The following KCNQ5 variants were observed in gnomAD, a reference collection of about 807,000 sequenced individuals.
The protein encoded by KCNQ5 is potassium voltage-gated channel subfamily Q member 5.
In KCNQ5, 30 loss-of-function variants were observed where a neutral mutation model predicts 98.2. The ratio of observed to expected loss-of-function variants is 0.31; its 90% confidence interval spans 0.23 to 0.41. The LOEUF is 0.41. KCNQ5 is among the 10% of genes least tolerant of loss of function. The pLI is 1.00. For missense variants in KCNQ5, 835 were observed against 1,182.5 expected, an observed-to-expected ratio of 0.71 and a Z score of 4.31; for synonymous variants, 458 against 449.4, an observed-to-expected ratio of 1.02 and a Z score of -0.24.
intron 1 of KCNQ5, among the ~76,000 whole-genome samples, chr6:72,818,337 A>G (rs888801227): frequency 6.6e-6 from 1 of 152,142 alleles, no homozygotes; most frequent in Non-Finnish European, 1.5e-5. Context: ...CTGAGTCTGT[A>G]TTAATACAGT....
intron 1 of KCNQ5, among the ~76,000 whole-genome samples, chr6:72,747,607 T>C (rs1045992618): frequency 6.6e-6 from 1 of 152,182 alleles, no homozygotes; most frequent in Non-Finnish European, 1.5e-5. Flanking sequence ...TTTATAATAC[T>C]ATACCTAACA....
chr6:72,853,241 T>G (rs1777365187), intron 1 of KCNQ5, among the ~76,000 whole-genome samples: 1 of 152,236 alleles, frequency 6.6e-6, no homozygotes, highest in Non-Finnish European at 1.5e-5. Context: ...TATGTATTTC[T>G]CTTAAATTCT....
chr6:72,722,517 A>G (rs6918661), intron 1 of KCNQ5, among the ~76,000 whole-genome samples: 16,656 of 152,176 alleles, frequency 0.11, 1,609 homozygotes, highest in African/African-American at 0.26. Flanking sequence ...GAAGTTTCTT[A>G]GACTCTCCAA....
chr6:72,923,004 G>T (rs1158021584), intron 1 of KCNQ5, among the ~76,000 whole-genome samples: 4 of 151,736 alleles, frequency 2.6e-5, no homozygotes, highest in South Asian at 2.1e-4. Flanking sequence ...TAGAGACGGG[G>T]TTCCACCATG....
intron 1 of KCNQ5, among the ~76,000 whole-genome samples, chr6:72,713,464 T>A (rs992484041): frequency 2.0e-5 from 3 of 152,168 alleles, no homozygotes; most frequent in Non-Finnish European, 2.9e-5. Flanking sequence ...CTTCTACAAT[T>A]TTTTTTCATA....
At chr6:73,084,900 C>A (rs184089535) in intron 5 of KCNQ5, among the ~76,000 whole-genome samples, 1 of 152,290 alleles carries the variant, frequency 6.6e-6, no homozygotes, top group Non-Finnish European at 1.5e-5. Context: ...TATTATTTAG[C>A]ACAAGCATGG....
intron 1 of KCNQ5, among the ~76,000 whole-genome samples, chr6:72,906,785 CA>C (rs1779716752): frequency 6.6e-6 from 1 of 152,190 alleles, no homozygotes; most frequent in Non-Finnish European, 1.5e-5. Flanking sequence ...CCACTTCCTT[CA>C]GAGGGTCTGT....
intron 5 of KCNQ5, among the ~76,000 whole-genome samples, chr6:73,083,393 A>T (rs1773858558): frequency 6.6e-6 from 1 of 152,182 alleles, no homozygotes; most frequent in Non-Finnish European, 1.5e-5. Context: ...TCAGGGGTGA[A>T]CACACAACTA....
At chr6:72,962,960 G>A (rs1767443948) in intron 1 of KCNQ5, among the ~76,000 whole-genome samples, 1 of 152,048 alleles carries the variant, frequency 6.6e-6, no homozygotes, top group South Asian at 2.1e-4. Flanking sequence ...AAATTAATGA[G>A]ATTTATATCT....
rs182829748 is a variant in KCNQ5, at chr6:72,820,376, A to G, written c.399-183532A>G. ...TCAGGATGACGAAGTGTGTGCTCCTAAACACTTACCTTAATATGAGGGTAA... is the reference window on the plus strand; with the variant it reads ...TCAGGATGACGAAGTGTGTGCTCCTGAACACTTACCTTAATATGAGGGTAA... On this transcript the variant is annotated intron_variant, in intron 1 of 13. Coordinates refer to ENST00000370398, the MANE Select transcript of KCNQ5 (RefSeq NM_019842.4). Among the ~76,000 whole-genome samples, 52 of 152,298 alleles carry G rather than the reference A, an allele frequency of 3.4e-4. 1 individual carries two copies. In the East Asian group the frequency reaches 9.8e-3, roughly 29 times the overall value.
intron 10 of KCNQ5, among the ~76,000 whole-genome samples, chr6:73,150,165 T>C (rs1777094578): frequency 1.3e-5 from 2 of 151,850 alleles, no homozygotes; most frequent in Non-Finnish European, 2.9e-5. Context: ...GAGATATCAC[T>C]ACACACCTGC....
intron 1 of KCNQ5, among the ~76,000 whole-genome samples, chr6:72,938,515 G>A (rs928458411): frequency 2.0e-5 from 3 of 151,574 alleles, no homozygotes; most frequent in Non-Finnish European, 2.9e-5. Context: ...AAGTAGCTGA[G>A]ACTACAGGCA....
intron 1 of KCNQ5, among the ~76,000 whole-genome samples, chr6:72,729,908 C>A (rs1241417496): frequency 1.3e-5 from 2 of 152,110 alleles, no homozygotes; most frequent in Admixed American, 6.6e-5. Flanking sequence ...CACTTATAAT[C>A]CCAGCATTTT....
At chr6:72,708,516 C>T (rs1311663798) in intron 1 of KCNQ5, among the ~76,000 whole-genome samples, 1 of 152,110 alleles carries the variant, frequency 6.6e-6, no homozygotes, top group Non-Finnish European at 1.5e-5. Flanking sequence ...TAAGCAAATA[C>T]ATTTTTGGGT....
At chr6:73,004,237 T>C (rs1769720682) in intron 2 of KCNQ5, among the ~76,000 whole-genome samples, 1 of 152,216 alleles carries the variant, frequency 6.6e-6, no homozygotes, top group African/African-American at 2.4e-5. Context: ...TGTAGATATA[T>C]CATAAATAGA....
At chr6:73,033,370 G>T (rs1175372066) in intron 2 of KCNQ5, among the ~76,000 whole-genome samples, 1 of 152,140 alleles carries the variant, frequency 6.6e-6, no homozygotes, top group Non-Finnish European at 1.5e-5. Flanking sequence ...GAACCTCTGG[G>T]ATAAATGAAC....
rs545354168 is a variant in KCNQ5, at chr6:72,699,619, A to T, written c.398+77032A>T. 5.3e-4 allele frequency among the ~76,000 whole-genome samples: 80 copies of T among 152,314 alleles called. 1 individual carries two copies. The highest frequency in any genetic ancestry group is 1.8e-3 in the African/African-American group (76 of 41,584). ...TATAAATATCACAATTAAAGGACAA[A>T]TGATGGCTCTGCTAATCTCAAGAAT... On this transcript the variant is annotated intron_variant, in intron 1 of 13. Coordinates refer to ENST00000370398, the MANE Select transcript of KCNQ5 (RefSeq NM_019842.4).
intron 1 of KCNQ5, among the ~76,000 whole-genome samples, chr6:72,895,162 G>A (rs375141830): frequency 1.5e-4 from 22 of 148,850 alleles, no homozygotes; most frequent in Non-Finnish European, 2.1e-4. Context: ...GGTGGCGGGC[G>A]CCTGTAGTCC....
chr6:72,729,629 C>T (rs779154476), intron 1 of KCNQ5, among the ~76,000 whole-genome samples: 2 of 152,164 alleles, frequency 1.3e-5, no homozygotes, highest in South Asian at 4.1e-4. Flanking sequence ...GAATTTCTAA[C>T]AGTACTTACT....
Sources: gnomAD v4.1 joint callset for allele counts (sites outside exome capture counted in the v4.1 genomes callset) on GRCh38, gnomAD v4.1.1 for gene constraint, MANE v1.5 for transcripts, NCBI Gene and HGNC (gene_info 2026-07-23, HGNC 2026-07-21) for gene names.